SUMF1: variants seen among roughly 807,000 people sequenced by gnomAD.
The protein encoded by SUMF1 is formylglycine-generating enzyme.
SUMF1 carries 48 observed loss-of-function variants against 47.6 expected under a neutral mutation model. The observed-to-expected ratio is 1.01, with a 90% CI of 0.80 to 1.28. SUMF1 has a LOEUF of 1.28. SUMF1 is among the 50% of genes most tolerant of loss of function. The probability of loss-of-function intolerance (pLI) is 0.00; values close to 1 mark genes in which losing one functional copy is unlikely to be tolerated. For missense variants in SUMF1, 571 were observed against 485.4 expected, an observed-to-expected ratio of 1.18 and a Z score of -1.66; for synonymous variants, 230 against 192.1, an observed-to-expected ratio of 1.20 and a Z score of -1.63.
intron 8 of SUMF1, among the ~76,000 whole-genome samples, chr3:4,172,784 C>A (rs889483600): frequency 7.9e-5 from 12 of 151,916 alleles, no homozygotes; most frequent in Non-Finnish European, 1.8e-4. Flanking sequence ...TGATAGATTT[C>A]AAAAATTTTC....
Position 4,266,048 on chromosome 3 carries a change from G to A in SUMF1, c.1014+110282C>T, listed in dbSNP as rs190530709. On this transcript the variant is annotated intron_variant and NMD_transcript_variant, in intron 8 of 12. Transcript: ENST00000448413. ...AAAGATCAGATAGTTGTAGACATGC[G>A]GCGTTATTTCTGAGGGCTCTGTTCT... Among the ~76,000 whole-genome samples, 800 of 152,184 alleles carry A rather than the reference G, an allele frequency of 5.3e-3. 4 individuals are homozygous for A. Among genetic ancestry groups the A allele is most frequent in the African/African-American group, 0.017 (725 of 41,506 alleles).
At chr3:4,394,772 C>T (rs895541996) in intron 7 of SUMF1, among the ~76,000 whole-genome samples, 11 of 152,260 alleles carry the variant, frequency 7.2e-5, no homozygotes, top group African/African-American at 2.6e-4. Flanking sequence ...ACCCTATATC[C>T]TCCTTTAGTT....
At position 4,411,025 on chromosome 3, in the gene SUMF1, T is replaced by TA. The variant is rs747025289; in HGVS notation, c.841-48dup. On this transcript the variant is annotated intron_variant, in intron 6 of 8. Coordinates refer to ENST00000272902, the MANE Select transcript of SUMF1 (RefSeq NM_182760.4). ...ATGCTGTCAAACTATTCACCTGGTT[T>TA]AAAAAACATCTTCAGTGCAGAAATG... 7.5e-6 allele frequency: 11 copies of TA among 1,462,900 alleles called. No individual in the cohort carries two copies. In the African/African-American group the frequency reaches 1.3e-4, roughly 17 times the overall value. The allele number at this position is 1,462,900 out of a possible 1,614,324, so 90.6% of individuals were successfully genotyped here. A position where few individuals can be genotyped will look rare whatever the true frequency, so the allele number is the denominator to read the frequency against.
intron 8 of SUMF1, among the ~76,000 whole-genome samples, chr3:4,079,162 G>A (rs1692504420): frequency 6.6e-6 from 1 of 152,028 alleles, no homozygotes; most frequent in South Asian, 2.1e-4. Context: ...AGCCCAAGAA[G>A]TAACAACATC....
chr3:4,067,392 T>C (rs1294851675), intron 9 of SUMF1, among the ~76,000 whole-genome samples: 2 of 152,190 alleles, frequency 1.3e-5, no homozygotes, highest in African/African-American at 4.8e-5. Flanking sequence ...CTTCCCACCA[T>C]CTTCATAACT....
intron 8 of SUMF1, among the ~76,000 whole-genome samples, chr3:4,368,992 T>C (rs1240350242): frequency 6.6e-6 from 1 of 151,986 alleles, no homozygotes; most frequent in East Asian, 1.9e-4. Flanking sequence ...AACTTTAGAA[T>C]CTGTGCAGAA....
chr3:4,361,828 C>A lies in SUMF1; in HGVS notation c.*316G>T. 1 of 376,960 alleles carries A rather than the reference C, an allele frequency of 2.7e-6. No homozygotes were observed. Among genetic ancestry groups the A allele is most frequent in the Admixed American group, 3.9e-5 (1 of 25,960 alleles). The allele number at this position is 376,960 out of a possible 1,614,324, so 23.4% of individuals were successfully genotyped here. On this transcript the variant is annotated 3_prime_UTR_variant, in exon 9 of 9. Coordinates refer to ENST00000272902, the MANE Select transcript of SUMF1 (RefSeq NM_182760.4). ...GTCAAGCGTCGGACCTGGGGTCTAA[C>A]CCCTGTGGCAGAGCCTGCGTAGGAC...
At chr3:4,370,037 A>G (rs1282806082) in intron 8 of SUMF1, among the ~76,000 whole-genome samples, 1 of 152,246 alleles carries the variant, frequency 6.6e-6, no homozygotes, top group African/African-American at 2.4e-5. Context: ...GTCAGACAAT[A>G]AATAAACCGA....
intron 8 of SUMF1, among the ~76,000 whole-genome samples, chr3:4,217,772 A>ATTTTTTTTT: frequency 6.6e-6 from 1 of 150,910 alleles, no homozygotes. Flanking sequence ...TTAAAACACA[A>ATTTTTTTTT]GAAAAGAATA....
At chr3:4,308,032 A>C (rs73806994) in intron 8 of SUMF1, among the ~76,000 whole-genome samples, 1,915 of 152,266 alleles carry the variant, frequency 0.013, 47 homozygotes, top group African/African-American at 0.044. Context: ...GTCTTAAAAA[A>C]AAAAAATCCC....
intron 8 of SUMF1, among the ~76,000 whole-genome samples, chr3:4,233,455 G>C (rs965296731): frequency 6.6e-6 from 1 of 151,962 alleles, no homozygotes; most frequent in African/African-American, 2.4e-5. Flanking sequence ...TATTCCATGA[G>C]AAAGTAGTCA....
intron 8 of SUMF1, among the ~76,000 whole-genome samples, chr3:4,311,947 C>G (rs1411219454): frequency 6.6e-6 from 1 of 152,122 alleles, no homozygotes; most frequent in Non-Finnish European, 1.5e-5. Context: ...GAGGATCTAA[C>G]CAGAGATCAG....
At chr3:4,381,969 T>C (rs911398908) in intron 7 of SUMF1, among the ~76,000 whole-genome samples, 2 of 152,104 alleles carry the variant, frequency 1.3e-5, no homozygotes, top group South Asian at 2.1e-4. Context: ...CCATTTGAGC[T>C]TGGGAGGCAA....
chr3:4,349,860 T>G (rs1431810343), intron 8 of SUMF1, among the ~76,000 whole-genome samples: 1 of 151,108 alleles, frequency 6.6e-6, no homozygotes, highest in Non-Finnish European at 1.5e-5. Flanking sequence ...GGGAAGGAAG[T>G]TGGAGGATGG....
At position 4,129,008 on chromosome 3, in the gene SUMF1, G is replaced by C. The variant is rs1335993832; in HGVS notation, c.1015-60263C>G. On this transcript the variant is annotated intron_variant and NMD_transcript_variant, in intron 8 of 12. Coordinates refer to the SUMF1 transcript ENST00000448413. ...TTAATGTAAAGGAAAGGATCCAAAG[G>C]CTTAGGCAGATTGGGATGGTGGAGT... 1.3e-5 allele frequency among the ~76,000 whole-genome samples: 2 copies of C among 152,130 alleles called. 1 individual carries two copies. Among genetic ancestry groups the C allele is most frequent in the East Asian group, 3.8e-4 (2 of 5,196 alleles).
At chr3:4,077,446 C>T (rs1692464109) in intron 8 of SUMF1, among the ~76,000 whole-genome samples, 2 of 152,044 alleles carry the variant, frequency 1.3e-5, no homozygotes, top group Non-Finnish European at 2.9e-5. Context: ...GAAAATGTGG[C>T]ACATACACAC....
At chr3:4,346,872 T>C (rs981256348) in intron 8 of SUMF1, among the ~76,000 whole-genome samples, 1 of 152,036 alleles carries the variant, frequency 6.6e-6, no homozygotes, top group Non-Finnish European at 1.5e-5. Context: ...TCCCTCAGAA[T>C]TACAAACTAC....
chr3:4,302,586 G>A (rs1237758305), intron 8 of SUMF1, among the ~76,000 whole-genome samples: 2 of 152,164 alleles, frequency 1.3e-5, no homozygotes, highest in African/African-American at 4.8e-5. Flanking sequence ...AATGAGGCAT[G>A]TTGGACCCCC....
intron 9 of SUMF1, among the ~76,000 whole-genome samples, chr3:4,067,936 T>A (rs1458753907): frequency 6.6e-6 from 1 of 152,160 alleles, no homozygotes; most frequent in African/African-American, 2.4e-5. Flanking sequence ...TTGTCCCTTT[T>A]TTCAGATAAA....
Sources: gnomAD v4.1 joint callset for allele counts (sites outside exome capture counted in the v4.1 genomes callset) on GRCh38, gnomAD v4.1.1 for gene constraint, MANE v1.5 for transcripts, NCBI Gene and HGNC (gene_info 2026-07-23, HGNC 2026-07-21) for gene names.